The following FBXW8 variants were observed in gnomAD, a reference collection of about 807,000 sequenced individuals.
FBXW8 encodes the protein F-box/WD repeat-containing protein 8.
Under a neutral mutation model 65.3 loss-of-function variants are expected in FBXW8, and 57 were observed. The ratio of observed to expected loss-of-function variants is 0.87; its 90% CI spans 0.71 to 1.09. FBXW8 has a LOEUF of 1.09. Ranked by LOEUF, FBXW8 falls within the 50% of genes least tolerant of loss-of-function variation. The pLI is 0.00. For synonymous variants in FBXW8, 308 were observed against 330.2 expected, an observed-to-expected ratio of 0.93 and a Z score of 0.73; for missense variants, 777 against 814.8, an observed-to-expected ratio of 0.95 and a Z score of 0.57.
chr12:116,959,205 C>A (rs896939751), intron 4 of FBXW8, among the ~76,000 whole-genome samples: 1 of 152,204 alleles, frequency 6.6e-6, no homozygotes, highest in Non-Finnish European at 1.5e-5. Flanking sequence ...TCTCGCCTTC[C>A]AGTTGCAATT....
At chr12:116,990,440 C>A (rs148374666) in intron 7 of FBXW8, among the ~76,000 whole-genome samples, 1 of 152,262 alleles carries the variant, frequency 6.6e-6, no homozygotes, top group South Asian at 2.1e-4. Flanking sequence ...TCTAAAAAAA[C>A]TTTCTTTTCC....
At chr12:116,949,532 G>A (rs2137355540) in intron 3 of FBXW8, 86 bp from the exon 4 acceptor site, 8 of 1,157,416 alleles carry the variant, frequency 6.9e-6, no homozygotes, top group South Asian at 2.5e-5. Flanking sequence ...GAGAATTGCT[G>A]TGGAAAGTAG....
chr12:116,973,800 A>G (rs922142114), intron 5 of FBXW8, among the ~76,000 whole-genome samples: 1 of 152,218 alleles, frequency 6.6e-6, no homozygotes, highest in Admixed American at 6.5e-5. Context: ...ACAGTTGGCA[A>G]TGGGATCTGA....
intron 5 of FBXW8, among the ~76,000 whole-genome samples, chr12:116,982,967 A>G (rs1885421972): frequency 6.6e-6 from 1 of 152,146 alleles, no homozygotes; most frequent in Non-Finnish European, 1.5e-5. Flanking sequence ...GTACCAAGTC[A>G]TGACATAACA....
chr12:116,994,869 C>T (rs1269308624), intron 7 of FBXW8, among the ~76,000 whole-genome samples: 1 of 152,214 alleles, frequency 6.6e-6, no homozygotes, highest in Non-Finnish European at 1.5e-5. Context: ...GGATCATTTC[C>T]TCCAAGTAGA....
intron 8 of FBXW8, among the ~76,000 whole-genome samples, chr12:117,011,120 T>A (rs2135710388): frequency 7.8e-6 from 1 of 127,956 alleles, no homozygotes; most frequent in African/African-American, 4.0e-5. Flanking sequence ...CTTGTTTTTT[T>A]CTTTTCCTTT....
At chr12:116,924,030 AAT>A (rs1881124615) in intron 1 of FBXW8, among the ~76,000 whole-genome samples, 1 of 152,198 alleles carries the variant, frequency 6.6e-6, no homozygotes, top group Non-Finnish European at 1.5e-5. Flanking sequence ...ACTTTCTCTA[AAT>A]ATTGTAGCCA....
chr12:116,949,477 T>C (rs577298408), intron 3 of FBXW8, 141 bp from the exon 4 acceptor site: 18 of 704,760 alleles, frequency 2.6e-5, no homozygotes, highest in African/African-American at 2.4e-4. Flanking sequence ...CTTTGTCTTT[T>C]TGAATGCCCA....
intron 4 of FBXW8, among the ~76,000 whole-genome samples, chr12:116,960,816 G>A (rs1334231508): frequency 1.3e-5 from 2 of 152,146 alleles, no homozygotes; most frequent in African/African-American, 4.8e-5. Context: ...TTGAGGAGAC[G>A]ATCAATGCAT....
intron 2 of FBXW8, among the ~76,000 whole-genome samples, chr12:116,931,497 C>T (rs1326879210): frequency 6.6e-6 from 1 of 152,118 alleles, no homozygotes; most frequent in Non-Finnish European, 1.5e-5. Flanking sequence ...TTCTTCCAAT[C>T]CATGAACATG....
At chr12:116,988,084 T>C (rs1953140162) in intron 6 of FBXW8, among the ~76,000 whole-genome samples, 1 of 152,242 alleles carries the variant, frequency 6.6e-6, no homozygotes, top group African/African-American at 2.4e-5. Context: ...ACTGAGTTAT[T>C]TAATTAGTCC....
chr12:116,940,187 G>T (rs1882462635), intron 2 of FBXW8, among the ~76,000 whole-genome samples: 1 of 152,140 alleles, frequency 6.6e-6, no homozygotes, highest in African/African-American at 2.4e-5. Context: ...ATCCGTGTCA[G>T]CCTGGGGGGT....
intron 1 of FBXW8, among the ~76,000 whole-genome samples, chr12:116,923,542 CAG>C (rs201675853): frequency 0.013 from 1,999 of 151,244 alleles, 38 homozygotes; most frequent in African/African-American, 0.046. Context: ...TGTTTTGAGA[CAG>C]AGTCTCGCTC....
chr12:116,976,640 A>G (rs911978823), intron 5 of FBXW8, among the ~76,000 whole-genome samples: 2 of 126,886 alleles, frequency 1.6e-5, no homozygotes, highest in African/African-American at 2.9e-5. Context: ...TTTTTTTTGT[A>G]TTTTTATTAG....
intron 1 of FBXW8, among the ~76,000 whole-genome samples, chr12:116,918,005 C>CA (rs929591584): frequency 0.011 from 1,322 of 118,548 alleles, 22 homozygotes; most frequent in African/African-American, 0.033. Flanking sequence ...AAAAAAAAAA[C>CA]AAAAAAAAAA....
At chr12:116,913,999 T>A (rs1008266248) in intron 1 of FBXW8, among the ~76,000 whole-genome samples, 1 of 152,138 alleles carries the variant, frequency 6.6e-6, no homozygotes, top group African/African-American at 2.4e-5. Flanking sequence ...AGGCCAGGTG[T>A]GGTGGTACAC....
At chr12:117,016,792 G>GGAGTTAATTTTTGTATATGGTGT (rs1953960261) in intron 8 of FBXW8, among the ~76,000 whole-genome samples, 3 of 152,098 alleles carry the variant, frequency 2.0e-5, no homozygotes, top group Admixed American at 2.0e-4. Flanking sequence ...TGATCCATTT[G>GGAGTTAATTTTTGTATATGGTGT]GAGTTAATTT....
intron 7 of FBXW8, among the ~76,000 whole-genome samples, chr12:117,001,318 A>G (rs974573795): frequency 1.3e-5 from 2 of 152,026 alleles, no homozygotes; most frequent in Non-Finnish European, 2.9e-5. Flanking sequence ...CCCTGGGGCT[A>G]TTTGTTTCAG....
intron 7 of FBXW8, among the ~76,000 whole-genome samples, chr12:116,996,547 A>C (rs1953381518): frequency 6.6e-6 from 1 of 152,182 alleles, no homozygotes; most frequent in Admixed American, 6.5e-5. Context: ...AGCAGGATGA[A>C]AATGAAATTA....
Sources: gnomAD v4.1 joint callset for allele counts (sites outside exome capture counted in the v4.1 genomes callset) on GRCh38, gnomAD v4.1.1 for gene constraint, MANE v1.5 for transcripts, NCBI Gene and HGNC (gene_info 2026-07-23, HGNC 2026-07-21) for gene names.